The following SCN9A variants were observed in gnomAD, a reference collection of about 807,000 sequenced individuals.
SCN9A encodes the protein sodium channel protein type 9 subunit alpha.
A neutral mutation model predicts 187.0 loss-of-function variants in SCN9A; 131 were observed. The ratio of observed to expected loss-of-function variants is 0.70; its 90% CI spans 0.61 to 0.81. SCN9A has a LOEUF of 0.81. SCN9A is among the 30% of genes least tolerant of loss of function. The probability of loss-of-function intolerance (pLI) is 0.00; values close to 1 mark genes in which losing one functional copy is unlikely to be tolerated. For missense variants in SCN9A, 2,252 were observed against 2,396.6 expected (o/e 0.94, Z 1.26); for synonymous variants, 809 against 808.6 (o/e 1.00, Z -0.01).
chr2:166,352,502 C>T (rs942106007), intron 1 of SCN9A, among the ~76,000 whole-genome samples: 1 of 152,156 alleles, frequency 6.6e-6, no homozygotes, highest in Non-Finnish European at 1.5e-5. Flanking sequence ...ACATTCTGTA[C>T]TGAAGTATAG....
Position 166,233,395 on chromosome 2 carries a change from C to A in SCN9A, c.3869G>T (p.Arg1290Leu), listed in dbSNP as rs368396027. The A allele has an allele frequency of 1.3e-6, 2 of 1,579,642 alleles. No individual in the cohort carries two copies. The highest frequency in any genetic ancestry group is 2.7e-5 in the African/African-American group (2 of 72,776). Residue 1290 changes from arginine to leucine, a missense_variant, in exon 21 of 27, where the codon CGG (arginine) becomes CTG (leucine). Arg to Leu is a moderately radical substitution (Grantham distance 102, BLOSUM62 -2). Coordinates refer to ENST00000642356, the MANE Select transcript of SCN9A (RefSeq NM_001365536.1). ...YSDLGPIKSL[R>L]TLRALRPLRA... Reference sequence around the variant, plus strand: ...TAGAGGTCTTAAAGCTCTCAGTGTCCGAAGGGATTTAATGGGGCCAAGATC... The same window carrying A: ...TAGAGGTCTTAAAGCTCTCAGTGTCAGAAGGGATTTAATGGGGCCAAGATC...
At chr2:166,314,253 A>C (rs1227703226) in intron 1 of SCN9A, among the ~76,000 whole-genome samples, 1 of 152,222 alleles carries the variant, frequency 6.6e-6, no homozygotes, top group African/African-American at 2.4e-5. Context: ...ACAAACCTTC[A>C]ACTTGTAAAG....
intron 17 of SCN9A, among the ~76,000 whole-genome samples, chr2:166,252,571 G>C (rs1005328917): frequency 6.6e-6 from 1 of 151,824 alleles, no homozygotes; most frequent in Non-Finnish European, 1.5e-5. Context: ...AGATCAAACA[G>C]TATTATTTAT....
intron 1 of SCN9A, among the ~76,000 whole-genome samples, chr2:166,335,260 C>T (rs1320039488): frequency 6.6e-6 from 1 of 152,042 alleles, no homozygotes; most frequent in African/African-American, 2.4e-5. Flanking sequence ...AAACTCATAA[C>T]TAAACATAAA....
chr2:166,291,203 T>G (rs1395083003), intron 9 of SCN9A, among the ~76,000 whole-genome samples: 1 of 152,162 alleles, frequency 6.6e-6, no homozygotes, highest in Non-Finnish European at 1.5e-5. Context: ...CAAAACTCTT[T>G]AAACTGATAA....
intron 1 of SCN9A, among the ~76,000 whole-genome samples, chr2:166,340,669 G>T (rs1699764150): frequency 6.6e-6 from 1 of 150,544 alleles, no homozygotes. Flanking sequence ...CACCCAGGCT[G>T]TAGTGCAGTA....
intron 14 of SCN9A, among the ~76,000 whole-genome samples, chr2:166,278,671 G>A (rs1697345106): frequency 6.6e-6 from 1 of 151,966 alleles, no homozygotes. Flanking sequence ...AAGATAAAAA[G>A]AAAACATAAG....
At position 166,197,130 on chromosome 2, in the gene SCN9A, A is replaced by G. The variant is rs1022203862; in HGVS notation, c.*1542T>C. 1.3e-5 allele frequency: 2 copies of G among 152,104 alleles called. No individual in the cohort carries two copies. Among genetic ancestry groups the G allele is most frequent in the African/African-American group, 4.8e-5 (2 of 41,448 alleles). 9.4% of individuals were successfully genotyped at this position (152,104 alleles called of 1,614,324 possible). Reference sequence around the variant, plus strand: ...TTATATATTTGCTTCAAAACCTCCCACAAAAATCTTCTAAGTAAAACTACA... The same window carrying G: ...TTATATATTTGCTTCAAAACCTCCCGCAAAAATCTTCTAAGTAAAACTACA... On this transcript the variant is annotated 3_prime_UTR_variant, in exon 27 of 27. Coordinates refer to ENST00000642356, the MANE Select transcript of SCN9A (RefSeq NM_001365536.1).
At chr2:166,266,532 T>A (rs1006188172) in intron 17 of SCN9A, among the ~76,000 whole-genome samples, 3 of 151,628 alleles carry the variant, frequency 2.0e-5, no homozygotes, top group Non-Finnish European at 4.4e-5. Flanking sequence ...CCAGGTTACT[T>A]GGGCTATTTA....
At chr2:166,288,003 T>A (rs934990923) in intron 10 of SCN9A, among the ~76,000 whole-genome samples, 19 of 147,076 alleles carry the variant, frequency 1.3e-4, no homozygotes, top group African/African-American at 4.7e-4. Context: ...TATATATATA[T>A]TATATATCTG....
rs11888080 is a variant in SCN9A at position 166,289,965 on chromosome 2, G to T, written c.1108-1322C>A. Among the ~76,000 whole-genome samples the T allele has an allele frequency of 1.4e-3, 218 of 152,156 alleles. 1 individual carries two copies. Among genetic ancestry groups the T allele is most frequent in the African/African-American group, 5.0e-3 (209 of 41,482 alleles). The stretch of plus-strand genomic sequence containing the variant: ...GAAGAACATGCAGGTTGGTTACACA[G>T]GTATACATGTGCTATGGTGGTTTGC... On this transcript the variant is annotated intron_variant, in intron 9 of 26. Transcript: ENST00000642356.
At chr2:166,324,525 C>CT (rs749479220) in intron 1 of SCN9A, among the ~76,000 whole-genome samples, 1 of 152,074 alleles carries the variant, frequency 6.6e-6, no homozygotes, top group Non-Finnish European at 1.5e-5. Flanking sequence ...AAAATCTTGA[C>CT]TGAAGTACCA....
intron 1 of SCN9A, among the ~76,000 whole-genome samples, chr2:166,348,305 ACT>A (rs1202633966): frequency 6.6e-6 from 1 of 151,940 alleles, no homozygotes; most frequent in Non-Finnish European, 1.5e-5. Context: ...AGTTCCACAA[ACT>A]CTAATTTTTC....
Position 166,233,479 on chromosome 2 carries a change from T to G in SCN9A, c.3802-17A>C. On this transcript the variant is annotated splice_polypyrimidine_tract_variant and intron_variant, in intron 20 of 26. Coordinates refer to ENST00000642356, the MANE Select transcript of SCN9A (RefSeq NM_001365536.1). ...CAAAGAAACCTATAAAAATAACATT[T>G]TCATTAATTGTGTCAATAAAATGAT... is the stretch of plus-strand genomic sequence containing the variant. The G allele has an allele frequency of 6.5e-7, 1 of 1,549,508 alleles. No individual in the cohort carries two copies. The highest frequency in any genetic ancestry group is 8.6e-7 in the Non-Finnish European group (1 of 1,156,614).
intron 20 of SCN9A, among the ~76,000 whole-genome samples, chr2:166,235,670 A>G (rs927728568): frequency 8.7e-5 from 13 of 149,764 alleles, no homozygotes; most frequent in African/African-American, 3.3e-4. Context: ...AAGTTTCTAT[A>G]CTTTTCAGAA....
At chr2:166,221,931 T>G (rs982493121) in intron 24 of SCN9A, among the ~76,000 whole-genome samples, 8 of 152,156 alleles carry the variant, frequency 5.3e-5, no homozygotes, top group Admixed American at 2.0e-4. Context: ...AAAATAAAAT[T>G]GAATTCTTAT....
chr2:166,255,635 A>G (rs1346938855), intron 17 of SCN9A, among the ~76,000 whole-genome samples: 1 of 151,510 alleles, frequency 6.6e-6, no homozygotes, highest in Non-Finnish European at 1.5e-5. Flanking sequence ...GATGCTGAAA[A>G]GAACTGAAAA....
intron 18 of SCN9A, among the ~76,000 whole-genome samples, chr2:166,243,106 A>C (rs1695638423): frequency 6.6e-6 from 1 of 152,136 alleles, no homozygotes; most frequent in South Asian, 2.1e-4. Flanking sequence ...ATATTGAGAA[A>C]ATTAGTGGAA....
chr2:166,354,323 A>G (rs960834188), intron 1 of SCN9A, among the ~76,000 whole-genome samples: 8 of 151,772 alleles, frequency 5.3e-5, no homozygotes, highest in African/African-American at 1.9e-4. Flanking sequence ...TTTAAAAACA[A>G]CACTATCTGC....
Sources: allele counts gnomAD v4.1 joint callset (sites outside exome capture counted in the v4.1 genomes callset), GRCh38; gene constraint gnomAD v4.1.1; transcripts MANE v1.5; gene names NCBI Gene and HGNC (gene_info 2026-07-23, HGNC 2026-07-21).